TAF1: variants seen among roughly 807,000 people sequenced by gnomAD.
The protein encoded by TAF1 is transcription initiation factor TFIID subunit 1.
In TAF1, 2 loss-of-function variants were observed where a neutral mutation model predicts 138.5. That is an observed-to-expected ratio of 0.01 (90% CI 0.01 to 0.05). The LOEUF (loss-of-function observed/expected upper bound fraction) is 0.05. Among genes scored for constraint, TAF1 ranks in the 10% least tolerant of loss-of-function variants. TAF1 has a pLI of 1.00. For missense variants in TAF1, 709 were observed against 1,478.0 expected (o/e 0.48, Z 8.53); for synonymous variants, 437 against 503.2 (o/e 0.87, Z 1.76).
intron 7 of TAF1, among the ~76,000 whole-genome samples, 153 bp downstream of exon 7, chrX:71,378,606 C>T (rs2033647732): frequency 9.0e-6 from 1 of 111,535 alleles, no homozygotes; most frequent in South Asian, 3.8e-4. Context: ...TGGTGTATCA[C>T]CCTGGTAGCT....
rs369076303 is a variant in TAF1 at position 71,383,315 on chromosome X, T to C, written c.1947+151T>C. 3.3e-4 allele frequency: 219 copies of C among 673,165 alleles called. 1 individual carries two copies. The African/African-American group carries it at 4.5e-3, about 14-fold the overall frequency. 55.5% of individuals were successfully genotyped at this position (673,165 alleles called of 1,213,427 possible). A position where few individuals can be genotyped will look rare whatever the true frequency, so the allele number is the denominator to read the frequency against. ...TGGTTATTTAGGAGAATGTCTTTAT[T>C]GTTAGGTGATGCATGTGAAAATATT... is the stretch of plus-strand genomic sequence containing the variant. On this transcript the variant is annotated intron_variant, in intron 12 of 37. Transcript: ENST00000423759.
chrX:71,377,067 A>T lies in TAF1; in HGVS notation c.590A>T (p.Glu197Val). The change falls in exon 5 of 38, where the codon GAA becomes GTA. Residue 197 changes from glutamate to valine, a missense_variant. Glu to Val is a moderately radical substitution (Grantham distance 121). This residue lies in a region of TAF1 where 123 missense variants were observed against 161.6 expected (regional missense o/e 0.76). Transcript: ENST00000423759. The stretch of plus-strand genomic sequence containing the variant: ...TCAGAATCTGAGATGGGACCTCAGG[A>T]AGCAACACAGGCAGAATCTGAAGAT... Reference protein sequence around the residue: ...SDSESEMGPQEATQAESEDGK... With the variant: ...SDSESEMGPQVATQAESEDGK... 8.3e-7 allele frequency: 1 copy of T among 1,211,646 alleles called. No individual in the cohort carries two copies. The highest frequency in any genetic ancestry group is 2.2e-5 in the Admixed American group (1 of 45,936).
At chrX:71,421,506 A>G in intron 29 of TAF1, 130 bp downstream of exon 29, 4 of 539,204 alleles carry the variant, frequency 7.4e-6, no homozygotes, top group Middle Eastern at 7.7e-4. Flanking sequence ...GTATATGTGA[A>G]GGCTGGAAGG....
intron 13 of TAF1, among the ~76,000 whole-genome samples, chrX:71,496,093 A>G (rs891443737): frequency 9.8e-5 from 11 of 112,129 alleles, no homozygotes; most frequent in Non-Finnish European, 1.9e-4. Context: ...TTACTGGGCA[A>G]TTTTCCTAAT....
At chrX:71,486,287 G>A (rs2039169838) in intron 13 of TAF1, among the ~76,000 whole-genome samples, 1 of 111,343 alleles carries the variant, frequency 9.0e-6, no homozygotes, top group Non-Finnish European at 1.9e-5. Flanking sequence ...GGGCTCAAAA[G>A]ATCCCTTCTG....
chrX:71,424,862 T>A (rs982844075), intron 32 of TAF1, among the ~76,000 whole-genome samples: 4 of 111,377 alleles, frequency 3.6e-5, no homozygotes, highest in Non-Finnish European at 7.5e-5. Context: ...TGACCTCAGG[T>A]GATCCACCTG....
At chrX:71,433,070 G>A (rs1321633677) in intron 32 of TAF1, among the ~76,000 whole-genome samples, 2 of 111,904 alleles carry the variant, frequency 1.8e-5, no homozygotes, top group African/African-American at 6.5e-5. Flanking sequence ...GAAATTAATG[G>A]GCCTGGCAGT....
At chrX:71,520,217 C>G (rs2039907329) in intron 13 of TAF1, among the ~76,000 whole-genome samples, 1 of 104,510 alleles carries the variant, frequency 9.6e-6, no homozygotes, top group African/African-American at 3.5e-5. Context: ...GATCTCGGCT[C>G]ACTGCAAGCT....
intron 21 of TAF1, among the ~76,000 whole-genome samples, chrX:71,393,793 G>C (rs770924428): frequency 1.8e-5 from 2 of 111,814 alleles, no homozygotes; most frequent in African/African-American, 6.5e-5. Flanking sequence ...TAAAGGTTTA[G>C]TTGTGAGAGG....
intron 13 of TAF1, among the ~76,000 whole-genome samples, chrX:71,500,411 G>T (rs1402135797): frequency 9.0e-6 from 1 of 111,218 alleles, no homozygotes; most frequent in Admixed American, 9.6e-5. Flanking sequence ...TTCAGGGTTT[G>T]TGGGTCAAAT....
intron 13 of TAF1, among the ~76,000 whole-genome samples, chrX:71,498,809 CAA>C (rs2039443330): frequency 9.0e-6 from 1 of 111,684 alleles, no homozygotes; most frequent in Non-Finnish European, 1.9e-5. Context: ...GTGAAAAGAG[CAA>C]AGTCTCCCAA....
chrX:71,400,239 A>G (rs920804218), intron 24 of TAF1, among the ~76,000 whole-genome samples: 9 of 108,569 alleles, frequency 8.3e-5, no homozygotes, highest in Non-Finnish European at 1.5e-4. Flanking sequence ...ACAGGCGTGC[A>G]CCACCATGCC....
At chrX:71,489,083 A>C (rs2039227622) in intron 13 of TAF1, among the ~76,000 whole-genome samples, 1 of 107,447 alleles carries the variant, frequency 9.3e-6, no homozygotes, top group Non-Finnish European at 1.9e-5. Flanking sequence ...AAAAAAAAAC[A>C]CACACAAAAA....
intron 13 of TAF1, among the ~76,000 whole-genome samples, chrX:71,475,020 A>G (rs756285525): frequency 1.8e-5 from 2 of 111,420 alleles, no homozygotes; most frequent in South Asian, 3.7e-4. Context: ...GAAATCAGGG[A>G]TGGGGGTGGG....
intron 14 of TAF1, among the ~76,000 whole-genome samples, chrX:71,385,601 G>T: frequency 9.1e-6 from 1 of 110,092 alleles, no homozygotes; most frequent in South Asian, 3.8e-4. Context: ...CTCCCATCTT[G>T]TTTTTTTTCT....
At chrX:71,527,321 G>A (rs1367107451) in intron 13 of TAF1, among the ~76,000 whole-genome samples, 1 of 106,193 alleles carries the variant, frequency 9.4e-6, no homozygotes, top group East Asian at 2.9e-4. Flanking sequence ...GAGAGGCGGA[G>A]GTTGCAGCAA....
chrX:71,470,396 A>G (rs748084068), downstream of TAF1, among the ~76,000 whole-genome samples: 6 of 110,202 alleles, frequency 5.4e-5, no homozygotes, highest in East Asian at 2.9e-4. Flanking sequence ...TTCTGTGTGT[A>G]TATATATATG....
At chrX:71,397,615 TG>T in intron 23 of TAF1, 149 bp downstream of exon 23, 1 of 668,347 alleles carries the variant, frequency 1.5e-6, no homozygotes, top group Non-Finnish European at 2.3e-6. Context: ...CCAGAGTAGC[TG>T]GGATTACAGA....
rs748067870 is a variant in TAF1 at position 71,408,167 on chromosome X, TC to T, written c.4384+18del. On this transcript the variant is annotated intron_variant, in intron 28 of 37. Transcript: ENST00000423759. ...ACCTACAATGGTAAGAATCAAATGT[TC>T]CGTGATTGCAAAGGTCACTGTTCAG... 2 of 1,206,865 alleles carry T rather than the reference TC, an allele frequency of 1.7e-6. No individual in the cohort carries two copies. The highest frequency in any genetic ancestry group is 1.7e-5 in the African/African-American group (1 of 57,152).
Sources: allele counts gnomAD v4.1 joint callset (sites outside exome capture counted in the v4.1 genomes callset), GRCh38; gene constraint gnomAD v4.1.1; regional missense constraint gnomAD v4.1.1; transcripts MANE v1.5; gene names NCBI Gene and HGNC (gene_info 2026-07-23, HGNC 2026-07-21).